The following COL5A2 variants were observed in gnomAD, a reference collection of about 807,000 sequenced individuals.
COL5A2 encodes collagen alpha-2(V) chain.
COL5A2 carries 23 observed loss-of-function variants against 208.2 expected under a neutral mutation model. That is an observed-to-expected ratio of 0.11 (90% CI 0.08 to 0.16). The LOEUF (loss-of-function observed/expected upper bound fraction) is 0.16, where lower values mean the gene tolerates loss of function less well. Ranked by LOEUF, COL5A2 falls within the 10% of genes least tolerant of loss-of-function variation. COL5A2 has a pLI of 1.00. For synonymous variants in COL5A2, 625 were observed against 628.5 expected, an observed-to-expected ratio of 0.99 and a Z score of 0.08; for missense variants, 1,590 against 1,956.4, an observed-to-expected ratio of 0.81 and a Z score of 3.53.
rs144802033 is a variant in COL5A2, at chr2:189,153,225, G to A, written c.97+26283C>T. The stretch of plus-strand genomic sequence containing the variant: ...TATTTTTCCTAACTGGGCAAAAAAC[G>A]TAATGTTACTTCTGGAAATTGGTTG... On this transcript the variant is annotated intron_variant, in intron 1 of 53. Transcript: ENST00000374866. Among the ~76,000 whole-genome samples the A allele has an allele frequency of 3.0e-3, 462 of 152,266 alleles. 3 individuals carry two copies. The highest frequency in any genetic ancestry group is 0.01 in the Middle Eastern group (3 of 294).
chr2:189,052,118 C>CGT (rs761795676), intron 41 of COL5A2, 54 bp downstream of exon 41: 4 of 1,394,180 alleles, frequency 2.9e-6, no homozygotes, highest in African/African-American at 1.4e-5. Flanking sequence ...CAAATGTATA[C>CGT]GTGTGTGTGT....
intron 51 of COL5A2, 129 bp from the exon 52 acceptor site, chr2:189,036,932 C>T (rs753163745): frequency 1.7e-5 from 13 of 775,980 alleles, no homozygotes; most frequent in Non-Finnish European, 2.7e-5. Context: ...GTGAGAGTGC[C>T]CCTTACGAAA....
chr2:189,232,313 A>G, the COL5A2 span, among the ~76,000 whole-genome samples: 1 of 151,694 alleles, frequency 6.6e-6, no homozygotes, highest in African/African-American at 2.4e-5. Flanking sequence ...TTTAATTGTG[A>G]AAATAACGTA....
the COL5A2 span, among the ~76,000 whole-genome samples, chr2:189,298,986 T>C: frequency 6.6e-6 from 1 of 152,320 alleles, no homozygotes; most frequent in Admixed American, 6.5e-5. Flanking sequence ...CATTGAACAT[T>C]GAGTCCCACT....
At chr2:189,383,553 T>G in the COL5A2 span, among the ~76,000 whole-genome samples, 3 of 152,134 alleles carry the variant, frequency 2.0e-5, no homozygotes, top group Non-Finnish European at 4.4e-5. Context: ...GAAAAGAAAA[T>G]TATTTTATGT....
the COL5A2 span, among the ~76,000 whole-genome samples, chr2:189,267,212 T>C: frequency 5.3e-5 from 8 of 152,222 alleles, no homozygotes; most frequent in East Asian, 7.7e-4. Context: ...AAGACACACA[T>C]TGCCTGCATC....
the COL5A2 span, among the ~76,000 whole-genome samples, chr2:189,289,817 C>T: frequency 2.0e-5 from 3 of 152,046 alleles, no homozygotes; most frequent in Non-Finnish European, 2.9e-5. Flanking sequence ...TAATAAAATA[C>T]TTAGAAATAA....
chr2:189,051,356 T>G lies in COL5A2; in HGVS notation c.2895A>C (p.Pro965=). The change falls in exon 42 of 54, where the codon CCA becomes CCC. Residue 965 remains proline, a synonymous_variant. Coordinates refer to ENST00000374866, the MANE Select transcript of COL5A2 (RefSeq NM_000393.5). ...CTTCTCCTGGGTCCCCTTTGTCTCCTGGGCCACCAGGGGGGCCAGCTGGTC... is the reference window on the plus strand; with the variant it reads ...CTTCTCCTGGGTCCCCTTTGTCTCCGGGGCCACCAGGGGGGCCAGCTGGTC... ...DRGPAGPPGG[P]GDKGDPGEDG... 6.2e-7 allele frequency: 1 copy of G among 1,613,972 alleles called. No individual in the cohort carries two copies. The highest frequency in any genetic ancestry group is 8.5e-7 in the Non-Finnish European group (1 of 1,179,962).
intron 1 of COL5A2, among the ~76,000 whole-genome samples, chr2:189,207,328 C>T (rs1190011984): frequency 6.6e-6 from 1 of 151,938 alleles, no homozygotes; most frequent in Non-Finnish European, 1.5e-5. Context: ...GTATCACTGA[C>T]CCATATTTTC....
chr2:189,108,293 T>C (rs913297485), intron 2 of COL5A2, among the ~76,000 whole-genome samples: 23 of 151,850 alleles, frequency 1.5e-4, no homozygotes, highest in African/African-American at 4.6e-4. Context: ...CCGATGGTAG[T>C]TTCCCTGAGA....
chr2:189,089,931 C>T (rs1417517537), intron 7 of COL5A2, among the ~76,000 whole-genome samples: 1 of 152,096 alleles, frequency 6.6e-6, no homozygotes, highest in Non-Finnish European at 1.5e-5. Flanking sequence ...GACACAACAA[C>T]ATTAAAATTA....
At chr2:189,343,113 C>T in the COL5A2 span, among the ~76,000 whole-genome samples, 2 of 151,960 alleles carry the variant, frequency 1.3e-5, no homozygotes, top group Non-Finnish European at 2.9e-5. Context: ...CTACATATGA[C>T]TTACACAGAC....
chr2:189,325,449 T>C, the COL5A2 span, among the ~76,000 whole-genome samples: 1 of 151,716 alleles, frequency 6.6e-6, no homozygotes, highest in South Asian at 2.1e-4. Flanking sequence ...TTGAAAAGCA[T>C]AGCCATAAAC....
chr2:189,269,494 A>G, the COL5A2 span, among the ~76,000 whole-genome samples: 3,917 of 152,220 alleles, frequency 0.026, 176 homozygotes, highest in African/African-American at 0.09. Flanking sequence ...TATTGAGATA[A>G]TCATGTGGTT....
chr2:189,084,092 T>C (rs1460045788), intron 11 of COL5A2, 55 bp from the exon 12 acceptor site: 31 of 1,156,092 alleles, frequency 2.7e-5, no homozygotes, highest in South Asian at 9.9e-5. Context: ...AAAAGGTTCT[T>C]CTCTGAAACT....
Position 189,053,446 on chromosome 2 carries a change from G to C in COL5A2, c.2531C>G (p.Ala844Gly). 1 of 1,613,816 alleles carries C rather than the reference G, an allele frequency of 6.2e-7. No homozygotes were observed. Among genetic ancestry groups the C allele is most frequent in the Non-Finnish European group, 8.5e-7 (1 of 1,179,822 alleles). ...GSRGENGPTG[A>G]VGFAGPQGPD... Reference sequence around the variant, plus strand: ...TACCTGGGGTCCGGCAAAACCAACAGCTCCAGTTGGCCCATTTTCACCTCG... The same window carrying C: ...TACCTGGGGTCCGGCAAAACCAACACCTCCAGTTGGCCCATTTTCACCTCG... The change falls in exon 38 of 54, where the codon GCT becomes GGT. Residue 844 changes from alanine (A) to glycine (G), a missense_variant. Transcript: ENST00000374866.
intron 12 of COL5A2, 123 bp from the exon 13 acceptor site, chr2:189,081,166 CA>C (rs201818936): frequency 7.9e-5 from 58 of 734,324 alleles, no homozygotes; most frequent in Middle Eastern, 7.7e-4. Context: ...TTAAGAAGAA[CA>C]AAAAAAAGCA....
the COL5A2 span, among the ~76,000 whole-genome samples, chr2:189,274,882 T>C: frequency 3.9e-5 from 6 of 152,190 alleles, no homozygotes; most frequent in African/African-American, 1.4e-4. Flanking sequence ...ATATAATGCA[T>C]TGATACTCTT....
chr2:189,250,319 G>A, the COL5A2 span, among the ~76,000 whole-genome samples: 9 of 152,110 alleles, frequency 5.9e-5, no homozygotes, highest in Non-Finnish European at 7.4e-5. Flanking sequence ...AACATCGAAA[G>A]GGTTAGTAAC....
Sources: gnomAD v4.1 joint callset for allele counts (sites outside exome capture counted in the v4.1 genomes callset) on GRCh38, gnomAD v4.1.1 for gene constraint, MANE v1.5 for transcripts, NCBI Gene and HGNC (gene_info 2026-07-23, HGNC 2026-07-21) for gene names.